Variants in ABCC1 observed in about 807,000 individuals in gnomAD.
ABCC1 encodes multidrug resistance-associated protein 1.
Under a neutral mutation model 172.9 loss-of-function variants are expected in ABCC1, and 83 were observed. The observed-to-expected ratio is 0.48, with a 90% CI of 0.40 to 0.58. The LOEUF is 0.58. Among genes scored for constraint, ABCC1 ranks in the 20% least tolerant of loss-of-function variants. The pLI, the probability that ABCC1 is intolerant of heterozygous loss-of-function variation, is 0.00. For missense variants in ABCC1, 1,817 were observed against 2,002.7 expected (o/e 0.91, Z 1.77); for synonymous variants, 937 against 825.2 (o/e 1.14, Z -2.32).
intron 13 of ABCC1, among the ~76,000 whole-genome samples, chr16:16,068,564 C>T (rs181131366): frequency 1.3e-5 from 2 of 152,296 alleles, no homozygotes; most frequent in East Asian, 1.9e-4. Flanking sequence ...AGAATCTTTC[C>T]GAAATACTCT....
At chr16:16,068,481 A>T (rs4148349) in intron 13 of ABCC1, among the ~76,000 whole-genome samples, 179 bp downstream of exon 13, 20,842 of 152,168 alleles carry the variant, frequency 0.14, 1,479 homozygotes, top group Middle Eastern at 0.26. Context: ...AACACATTTG[A>T]CTTCTTGACA....
Position 16,007,916 on chromosome 16 carries a change from TC to T in ABCC1, c.153del (p.Phe52SerfsTer16). ...CCTTGTTTTTACCTCTGGGCCTGTT[TC>T]CCCTTCTACTTCCTCTATCTCTCCC... ...WVPCFYLWAC[F>X]PFYFLYLSRH... is the part of the protein sequence containing the mutation. On this transcript the variant is annotated frameshift_variant, in exon 2 of 31. Coordinates refer to ENST00000399410, the MANE Select transcript of ABCC1 (RefSeq NM_004996.4). LOFTEE classifies it high-confidence loss of function. 1.2e-6 allele frequency: 2 copies of T among 1,612,554 alleles called. No individual in the cohort carries two copies. The highest frequency in any genetic ancestry group is 1.7e-6 in the Non-Finnish European group (2 of 1,179,672).
intron 12 of ABCC1, among the ~76,000 whole-genome samples, chr16:16,059,458 A>G (rs555157925): frequency 6.6e-6 from 1 of 152,300 alleles, no homozygotes; most frequent in Admixed American, 6.5e-5. Flanking sequence ...TTTGAATTTT[A>G]TAGAATTTGC....
chr16:16,122,199 C>T (rs190722086), intron 24 of ABCC1, 25 bp downstream of exon 24: 24 of 1,612,744 alleles, frequency 1.5e-5, no homozygotes, highest in South Asian at 2.2e-5. Flanking sequence ...CCTGCAGGAG[C>T]GGGTGGAGGA....
At chr16:16,126,074 G>A (rs566859613) in intron 26 of ABCC1, among the ~76,000 whole-genome samples, 163 bp downstream of exon 26, 1 of 152,164 alleles carries the variant, frequency 6.6e-6, no homozygotes, top group Non-Finnish European at 1.5e-5. Flanking sequence ...CTTATTTAGA[G>A]CCCGGTTTTA....
At chr16:16,114,134 C>G (rs1169771840) in intron 22 of ABCC1, among the ~76,000 whole-genome samples, 1 of 152,150 alleles carries the variant, frequency 6.6e-6, no homozygotes, top group Non-Finnish European at 1.5e-5. Context: ...GGATTAAAAT[C>G]CCAGTTCTGC....
At chr16:15,995,318 C>T (rs2047019447) in intron 1 of ABCC1, among the ~76,000 whole-genome samples, 1 of 152,056 alleles carries the variant, frequency 6.6e-6, no homozygotes, top group Non-Finnish European at 1.5e-5. Flanking sequence ...AATGAATCTT[C>T]CCTCTTACTC....
intron 14 of ABCC1, among the ~76,000 whole-genome samples, chr16:16,074,719 G>A (rs1461092960): frequency 6.6e-6 from 1 of 152,134 alleles, no homozygotes; most frequent in Non-Finnish European, 1.5e-5. Flanking sequence ...TCCTTAAATA[G>A]CAACTCCCAG....
At chr16:16,043,907 T>C (rs1393169472) in intron 7 of ABCC1, among the ~76,000 whole-genome samples, 22 of 152,278 alleles carry the variant, frequency 1.4e-4, no homozygotes, top group Non-Finnish European at 4.4e-5. Context: ...TGGCCATGAT[T>C]GTTATTTTGT....
At chr16:15,968,708 C>T (rs1369546575) in intron 1 of ABCC1, among the ~76,000 whole-genome samples, 7 of 152,004 alleles carry the variant, frequency 4.6e-5, no homozygotes, top group South Asian at 2.1e-4. Context: ...AGAACAAGAA[C>T]GGGATTCTAC....
At chr16:15,971,347 G>A (rs575322653) in intron 1 of ABCC1, among the ~76,000 whole-genome samples, 8 of 152,308 alleles carry the variant, frequency 5.3e-5, no homozygotes, top group Admixed American at 4.6e-4. Context: ...TGTGGGGAAA[G>A]GGCAAGAAGG....
chr16:16,026,432 CAAAAAAA>C (rs386384354), intron 5 of ABCC1, among the ~76,000 whole-genome samples: 24,790 of 58,230 alleles, frequency 0.43, 3,035 homozygotes, highest in Non-Finnish European at 0.49. Context: ...GAAACCGTCT[CAAAAAAA>C]AAAAAAAAAA....
At chr16:16,019,076 T>A (rs929149667) in intron 5 of ABCC1, among the ~76,000 whole-genome samples, 1 of 151,990 alleles carries the variant, frequency 6.6e-6, no homozygotes, top group Non-Finnish European at 1.5e-5. Context: ...GGCTATTCTT[T>A]TTTGTCTTTT....
intron 4 of ABCC1, 76 bp downstream of exon 4, chr16:16,014,704 A>G (rs1421412232): frequency 4.5e-6 from 7 of 1,556,992 alleles, no homozygotes; most frequent in Admixed American, 1.8e-5. Flanking sequence ...TGGCTTGTGT[A>G]GAAGTCATGC....
chr16:16,063,769 T>C (rs2151938722), intron 12 of ABCC1, among the ~76,000 whole-genome samples: 1 of 152,318 alleles, frequency 6.6e-6, no homozygotes, highest in South Asian at 2.1e-4. Flanking sequence ...GGTAGTTTCC[T>C]GATCATCCTG....
At chr16:16,127,438 A>G (rs2045486917) in intron 26 of ABCC1, among the ~76,000 whole-genome samples, 1 of 152,128 alleles carries the variant, frequency 6.6e-6, no homozygotes, top group Non-Finnish European at 1.5e-5. Context: ...AGCTCTAGTG[A>G]TCTGCCTGCC....
At chr16:16,123,081 G>A (rs45499700) in intron 24 of ABCC1, among the ~76,000 whole-genome samples, 178 of 152,186 alleles carry the variant, frequency 1.2e-3, no homozygotes, top group African/African-American at 3.7e-3. Flanking sequence ...CCATTAGCCC[G>A]TCTTACACAC....
chr16:15,988,706 C>T (rs1012727801), intron 1 of ABCC1, among the ~76,000 whole-genome samples: 1 of 152,146 alleles, frequency 6.6e-6, no homozygotes, highest in African/African-American at 2.4e-5. Context: ...ATGCTTGCTG[C>T]TGACATTTGG....
At chr16:16,048,983 CCA>C (rs1567348366) in intron 10 of ABCC1, among the ~76,000 whole-genome samples, 30 of 111,008 alleles carry the variant, frequency 2.7e-4, no homozygotes, top group Non-Finnish European at 2.7e-4. Flanking sequence ...AACTCCAATT[CCA>C]AAAAAAAAAA....
Sources: gnomAD v4.1 joint callset for allele counts (sites outside exome capture counted in the v4.1 genomes callset) on GRCh38, gnomAD v4.1.1 for gene constraint, MANE v1.5 for transcripts, NCBI Gene and HGNC (gene_info 2026-07-23, HGNC 2026-07-21) for gene names.